GBE1: variants seen among roughly 807,000 people sequenced by gnomAD.
The protein encoded by GBE1 is 1,4-alpha-glucan-branching enzyme.
A neutral mutation model predicts 88.8 loss-of-function variants in GBE1; 70 were observed. The ratio of observed to expected loss-of-function variants is 0.79; its 90% CI spans 0.65 to 0.96. The LOEUF (loss-of-function observed/expected upper bound fraction) is 0.96, where lower values mean the gene tolerates loss of function less well. Ranked by LOEUF, GBE1 falls within the 40% of genes least tolerant of loss-of-function variation. GBE1 has a pLI of 0.00. For synonymous variants in GBE1, 284 were observed against 300.1 expected, an observed-to-expected ratio of 0.95 and a Z score of 0.56; for missense variants, 872 against 871.0, an observed-to-expected ratio of 1.00 and a Z score of -0.01.
At chr3:81,501,087 T>C (rs1702580248) in intron 14 of GBE1, among the ~76,000 whole-genome samples, 1 of 152,086 alleles carries the variant, frequency 6.6e-6, no homozygotes, top group Non-Finnish European at 1.5e-5. Flanking sequence ...AACCTGCACA[T>C]GTACCCCCTG....
At chr3:81,505,066 A>G (rs1385082099) in intron 14 of GBE1, among the ~76,000 whole-genome samples, 1 of 152,208 alleles carries the variant, frequency 6.6e-6, no homozygotes, top group Non-Finnish European at 1.5e-5. Context: ...ATTATTTTAT[A>G]TATCTCTAAT....
intron 1 of GBE1, chr3:81,743,563 T>A (rs781287934): frequency 6.5e-7 from 1 of 1,534,496 alleles, no homozygotes; most frequent in African/African-American, 1.4e-5. Flanking sequence ...TCACCTCACT[T>A]TAGCAAGATT....
At chr3:81,571,711 G>A (rs1025921597) in intron 12 of GBE1, among the ~76,000 whole-genome samples, 27 of 152,152 alleles carry the variant, frequency 1.8e-4, no homozygotes, top group African/African-American at 6.3e-4. Context: ...TTCTGAACAA[G>A]TGGAATATTA....
At chr3:81,687,848 C>T (rs1244907301) in intron 2 of GBE1, among the ~76,000 whole-genome samples, 3 of 152,144 alleles carry the variant, frequency 2.0e-5, no homozygotes, top group African/African-American at 7.2e-5. Context: ...CACAAAACAT[C>T]GTAGATCGAG....
At position 81,565,580 on chromosome 3, in the gene GBE1, T is replaced by C. The variant is rs143990272; in HGVS notation, c.1618+12345A>G. Among the ~76,000 whole-genome samples the C allele has an allele frequency of 6.6e-5, 10 of 152,310 alleles. No homozygotes were observed. The East Asian group carries it at 7.7e-4, about 12-fold the overall frequency. Reference sequence around the variant, plus strand: ...TTTGGGGAGAATGTAACATATTCATTAAAGAATGTCCTACAAAATTATCAA... The same window carrying C: ...TTTGGGGAGAATGTAACATATTCATCAAAGAATGTCCTACAAAATTATCAA... On this transcript the variant is annotated intron_variant, in intron 12 of 15. Coordinates refer to ENST00000429644, the MANE Select transcript of GBE1 (RefSeq NM_000158.4).
chr3:81,653,397 G>A (rs768395932), intron 3 of GBE1, among the ~76,000 whole-genome samples: 3 of 151,960 alleles, frequency 2.0e-5, no homozygotes, highest in Non-Finnish European at 4.4e-5. Flanking sequence ...GAGGCAAGAG[G>A]ACAGCTTGAG....
intron 7 of GBE1, chr3:81,612,936 AAAGAT>A: frequency 2.6e-6 from 1 of 391,912 alleles, no homozygotes; most frequent in South Asian, 2.3e-5. Context: ...AAAAGGAGAA[AAAGAT>A]GATGATGATG....
At chr3:81,510,195 T>C (rs1006077516) in intron 14 of GBE1, among the ~76,000 whole-genome samples, 16 of 152,062 alleles carry the variant, frequency 1.1e-4, no homozygotes, top group Non-Finnish European at 2.2e-4. Context: ...AATATGCTCT[T>C]AGGTATAACA....
chr3:81,547,622 T>C (rs910640150), intron 12 of GBE1, among the ~76,000 whole-genome samples: 1 of 129,628 alleles, frequency 7.7e-6, no homozygotes, highest in African/African-American at 2.9e-5. Context: ...CTAGGTTCGT[T>C]TGTTCTCTCT....
In GBE1 at chr3:81,750,697, AT is replaced by A. The variant is rs68113250; in HGVS notation, c.143+10677del. 5.4e-4 allele frequency among the ~76,000 whole-genome samples: 43 copies of A among 78,920 alleles called. 1 individual carries two copies. Among genetic ancestry groups the A allele is most frequent in the African/African-American group, 1.7e-3 (29 of 16,754 alleles). 51.8% of individuals were successfully genotyped at this position (78,920 alleles called of 152,430 possible). ...TACGTATATATATATATATATATGT[AT>A]TTTTTTTTTTTTGGCTCTGTCGCCC... On this transcript the variant is annotated intron_variant, in intron 1 of 15. Coordinates refer to ENST00000429644, the MANE Select transcript of GBE1 (RefSeq NM_000158.4).
intron 7 of GBE1, among the ~76,000 whole-genome samples, chr3:81,626,554 C>G (rs559116903): frequency 2.0e-5 from 3 of 151,822 alleles, no homozygotes; most frequent in Admixed American, 6.6e-5. Context: ...ACACTGAGGA[C>G]CAGAAAATAA....
intron 1 of GBE1, among the ~76,000 whole-genome samples, chr3:81,752,464 C>T (rs1343912046): frequency 6.6e-6 from 1 of 152,066 alleles, no homozygotes; most frequent in Non-Finnish European, 1.5e-5. Flanking sequence ...AATATGAACA[C>T]TTAGCAGTCA....
chr3:81,524,741 T>C (rs534050450), intron 14 of GBE1, among the ~76,000 whole-genome samples: 49 of 151,840 alleles, frequency 3.2e-4, no homozygotes, highest in Non-Finnish European at 6.5e-4. Flanking sequence ...TGATTTCTGG[T>C]TTTATATTCT....
intron 14 of GBE1, among the ~76,000 whole-genome samples, chr3:81,509,255 T>A (rs1381772257): frequency 6.6e-6 from 1 of 151,466 alleles, no homozygotes; most frequent in East Asian, 1.9e-4. Context: ...CATAGAACTC[T>A]TTGAGGACTA....
At chr3:81,740,787 C>T (rs1706339158) in intron 1 of GBE1, among the ~76,000 whole-genome samples, 1 of 151,984 alleles carries the variant, frequency 6.6e-6, no homozygotes, top group Non-Finnish European at 1.5e-5. Context: ...CACACACACA[C>T]ACAATTTATT....
Position 81,578,083 on chromosome 3 carries a change from T to G in GBE1, c.1460A>C (p.Asp487Ala), listed in dbSNP as rs747404758. The change falls in exon 12 of 16, where the codon GAT (aspartate) becomes GCT (alanine). Residue 487 changes from aspartate (D) to alanine (A), a missense_variant. Asp to Ala is a moderately radical substitution (Grantham distance 126). Coordinates refer to ENST00000429644, the MANE Select transcript of GBE1 (RefSeq NM_000158.4). ...CATCAACCAAAATGCCAGCGACTTA[T>G]CCCCAACCAATGCCTACAGAAATAA... is the stretch of plus-strand genomic sequence containing the variant. Reference protein sequence around the residue: ...AESHDQALVGDKSLAFWLMDA... With the variant: ...AESHDQALVGAKSLAFWLMDA... The G allele has an allele frequency of 1.9e-6, 3 of 1,599,634 alleles. No individual in the cohort carries two copies. The African/African-American group carries it at 4.0e-5, about 22-fold the overall frequency.
At chr3:81,677,214 A>G (rs1375770317) in intron 2 of GBE1, among the ~76,000 whole-genome samples, 2 of 152,174 alleles carry the variant, frequency 1.3e-5, no homozygotes, top group South Asian at 4.1e-4. Context: ...GAAGATTCCA[A>G]TGTGCTAAAG....
intron 5 of GBE1, among the ~76,000 whole-genome samples, chr3:81,648,534 A>G (rs1409124569): frequency 6.6e-6 from 1 of 152,144 alleles, no homozygotes; most frequent in Non-Finnish European, 1.5e-5. Flanking sequence ...TATAGTCAAT[A>G]ATCACTTAAA....
intron 14 of GBE1, among the ~76,000 whole-genome samples, chr3:81,516,209 T>C (rs1002273616): frequency 6.6e-6 from 1 of 151,622 alleles, no homozygotes; most frequent in African/African-American, 2.4e-5. Context: ...GATGACTCTC[T>C]TGTTATGGGC....
Sources: gnomAD v4.1 joint callset for allele counts (sites outside exome capture counted in the v4.1 genomes callset) on GRCh38, gnomAD v4.1.1 for gene constraint, MANE v1.5 for transcripts, NCBI Gene and HGNC (gene_info 2026-07-23, HGNC 2026-07-21) for gene names.